Variants in LRRTM4 observed in about 807,000 individuals in gnomAD.
The protein encoded by LRRTM4 is leucine-rich repeat transmembrane neuronal protein 4.
Under a neutral mutation model 47.6 loss-of-function variants are expected in LRRTM4, and 25 were observed. The ratio of observed to expected loss-of-function variants is 0.53; its 90% CI spans 0.38 to 0.73. LRRTM4 has a LOEUF of 0.73. Among genes scored for constraint, LRRTM4 ranks in the 30% least tolerant of loss-of-function variants. LRRTM4 has a pLI of 0.00. For synonymous variants in LRRTM4, 311 were observed against 269.5 expected (o/e 1.15, Z -1.51); for missense variants, 638 against 713.4 (o/e 0.89, Z 1.20).
At chr2:76,909,655 A>G (rs1208882538) in intron 3 of LRRTM4, among the ~76,000 whole-genome samples, 5 of 152,102 alleles carry the variant, frequency 3.3e-5, no homozygotes, top group Admixed American at 3.3e-4. Flanking sequence ...CAAGAAAAAA[A>G]CAAACAACCC....
intron 3 of LRRTM4, among the ~76,000 whole-genome samples, chr2:77,509,813 T>C (rs1357279634): frequency 1.3e-5 from 2 of 152,134 alleles, no homozygotes; most frequent in African/African-American, 2.4e-5. Context: ...AAAGGTCAGA[T>C]ATATATTTAC....
At chr2:77,192,419 TA>T (rs1353981991) in intron 3 of LRRTM4, among the ~76,000 whole-genome samples, 2 of 151,910 alleles carry the variant, frequency 1.3e-5, no homozygotes, top group African/African-American at 4.8e-5. Flanking sequence ...GGGTACTTCC[TA>T]ATTTAAAAAA....
At chr2:77,089,854 A>G (rs972328610) in intron 3 of LRRTM4, among the ~76,000 whole-genome samples, 50 of 152,286 alleles carry the variant, frequency 3.3e-4, no homozygotes, top group African/African-American at 1.0e-3. Flanking sequence ...TTGTCGTAAA[A>G]TAGGCAAACG....
At chr2:77,329,893 T>C (rs1174852322) in intron 3 of LRRTM4, among the ~76,000 whole-genome samples, 1 of 152,046 alleles carries the variant, frequency 6.6e-6, no homozygotes, top group African/African-American at 2.4e-5. Flanking sequence ...GTTACAGGGG[T>C]AGACAAGAGT....
At chr2:76,840,582 A>C (rs1484020165) in intron 3 of LRRTM4, among the ~76,000 whole-genome samples, 1 of 152,174 alleles carries the variant, frequency 6.6e-6, no homozygotes. Context: ...GGAACAAACG[A>C]AGTCAAAAAG....
At chr2:76,772,592 G>A (rs541249887) in intron 3 of LRRTM4, among the ~76,000 whole-genome samples, 1 of 152,164 alleles carries the variant, frequency 6.6e-6, no homozygotes, top group Admixed American at 6.5e-5. Context: ...TGGCCTATAA[G>A]CCCCTGACCT....
intron 3 of LRRTM4, among the ~76,000 whole-genome samples, chr2:77,333,636 T>C (rs1847659): frequency 0.5 from 76,517 of 152,060 alleles, 22,720 homozygotes; most frequent in Non-Finnish European, 0.67. Flanking sequence ...AGAGGATGTA[T>C]GGAAATGCCT....
Position 77,253,355 on chromosome 2 carries a change from G to T in LRRTM4, c.1551+264963C>A, listed in dbSNP as rs539622851. Among the ~76,000 whole-genome samples, 7 of 152,110 alleles carry T rather than the reference G, an allele frequency of 4.6e-5. No homozygotes were observed. The East Asian group carries it at 1.4e-3, about 30-fold the overall frequency. On this transcript the variant is annotated intron_variant, in intron 3 of 3. Coordinates refer to ENST00000409884, the MANE Select transcript of LRRTM4 (RefSeq NM_001134745.3). ...TTACCACCACTCAGTAGTAAAGAGG[G>T]TTCTCTCTTCTACTCTAGCTGTCAA...
chr2:76,808,505 C>G (rs1410033916), intron 3 of LRRTM4, among the ~76,000 whole-genome samples: 1 of 150,826 alleles, frequency 6.6e-6, no homozygotes, highest in Non-Finnish European at 1.5e-5. Flanking sequence ...GAAATCCAAT[C>G]ATGCCGAAAG....
intron 3 of LRRTM4, among the ~76,000 whole-genome samples, chr2:77,090,776 C>G (rs1670597261): frequency 6.6e-6 from 1 of 152,178 alleles, no homozygotes; most frequent in Non-Finnish European, 1.5e-5. Flanking sequence ...GGCAGCCACT[C>G]CCAGAGCCCC....
At chr2:77,199,914 A>G (rs910034537) in intron 3 of LRRTM4, among the ~76,000 whole-genome samples, 1 of 152,066 alleles carries the variant, frequency 6.6e-6, no homozygotes, top group African/African-American at 2.4e-5. Flanking sequence ...TAGATACATA[A>G]TACATTTCCA....
At chr2:77,104,778 G>A (rs1052826895) in intron 3 of LRRTM4, among the ~76,000 whole-genome samples, 8 of 152,116 alleles carry the variant, frequency 5.3e-5, no homozygotes, top group Non-Finnish European at 8.8e-5. Context: ...AGAGGTGAGC[G>A]CCAGGGTACC....
intron 3 of LRRTM4, among the ~76,000 whole-genome samples, chr2:77,068,827 A>T (rs34912534): frequency 1.3e-5 from 2 of 152,198 alleles, no homozygotes; most frequent in Non-Finnish European, 2.9e-5. Context: ...CATGATGGCC[A>T]TAAGGCCTAC....
At chr2:76,974,201 T>TATATAC (rs1676330028) in intron 3 of LRRTM4, among the ~76,000 whole-genome samples, 4 of 70,698 alleles carry the variant, frequency 5.7e-5, no homozygotes, top group African/African-American at 2.7e-4. Flanking sequence ...TATATACATA[T>TATATAC]ATATATATAC....
At chr2:77,288,827 C>A (rs964788551) in intron 3 of LRRTM4, among the ~76,000 whole-genome samples, 2 of 151,964 alleles carry the variant, frequency 1.3e-5, no homozygotes, top group East Asian at 3.9e-4. Flanking sequence ...TAACTTTTGC[C>A]ATGTTTCTCC....
At chr2:76,997,370 T>C (rs1194459030) in intron 3 of LRRTM4, among the ~76,000 whole-genome samples, 1 of 152,050 alleles carries the variant, frequency 6.6e-6, no homozygotes, top group Non-Finnish European at 1.5e-5. Context: ...TTTGATGATT[T>C]AAAAATCTCT....
At chr2:77,456,427 C>T (rs181664756) in intron 3 of LRRTM4, among the ~76,000 whole-genome samples, 55 of 152,252 alleles carry the variant, frequency 3.6e-4, no homozygotes, top group African/African-American at 1.3e-3. Context: ...GGCTAACTGT[C>T]CAGGCTTACA....
At chr2:77,276,523 T>C (rs1676359980) in intron 3 of LRRTM4, among the ~76,000 whole-genome samples, 1 of 150,564 alleles carries the variant, frequency 6.6e-6, no homozygotes, top group Admixed American at 6.7e-5. Flanking sequence ...TATGTGTGTA[T>C]ATAGATATAG....
chr2:77,415,500 A>G (rs890516897), intron 3 of LRRTM4, among the ~76,000 whole-genome samples: 1 of 152,160 alleles, frequency 6.6e-6, no homozygotes, highest in African/African-American at 2.4e-5. Flanking sequence ...GATCAATTAA[A>G]TTATTTAAAA....
Sources: gnomAD v4.1 joint callset for allele counts (sites outside exome capture counted in the v4.1 genomes callset) on GRCh38, gnomAD v4.1.1 for gene constraint, MANE v1.5 for transcripts, NCBI Gene and HGNC (gene_info 2026-07-23, HGNC 2026-07-21) for gene names.